OR8D2: variants seen among roughly 807,000 people sequenced by gnomAD.
OR8D2 encodes the protein olfactory receptor family 8 subfamily D member 2, also known as olfactory receptor 8D2.
For missense variants in OR8D2, 350 were observed against 369.8 expected, an observed-to-expected ratio of 0.95 and a Z score of 0.44; for synonymous variants, 156 against 140.3, an observed-to-expected ratio of 1.11 and a Z score of -0.79.
Position 124,319,482 on chromosome 11 carries a change from C to T in OR8D2, c.716G>A (p.Gly239Asp), listed in dbSNP as rs1862499169. ...AGCCAAGAGATGGGAGCTACAAGTG[C>T]CAAAGGCTTTGGATTGCCCCTCAGT... is the stretch of plus-strand genomic sequence containing the variant. ...HSTEGQSKAFGTCSSHLLAVG... is the reference protein window; with the variant it reads ...HSTEGQSKAFDTCSSHLLAVG... Residue 239 changes from glycine to aspartate, a missense_variant, in exon 1 of 1, where the codon GGC (glycine) becomes GAC (aspartate). Gly to Asp is a moderately conservative substitution (Grantham distance 94, BLOSUM62 -1). Coordinates refer to ENST00000624618, the MANE Select transcript of OR8D2 (RefSeq NM_001002918.1). 4 of 1,613,468 alleles carry T rather than the reference C, an allele frequency of 2.5e-6. No homozygotes were observed. The highest frequency in any genetic ancestry group is 3.4e-6 in the Non-Finnish European group (4 of 1,179,736).
chr11:124,319,346 C>T lies in OR8D2; in HGVS notation c.852G>A (p.Met284Ile), dbSNP rs201080079. ...TCAGGCTATAGATTAGAGGATTCAG[C>T]ATGGGGATTATTGTGATGTAGAACA... ...SSVFYITIIP[M>I]LNPLIYSLRN... The change falls in exon 1 of 1, where the codon ATG becomes ATA. Residue 284 changes from methionine to isoleucine, a missense_variant. By Grantham distance (10) the Met-to-Ile change is conservative (BLOSUM62 1). Transcript: ENST00000624618. The T allele has an allele frequency of 1.3e-5, 20 of 1,596,758 alleles. No individual in the cohort carries two copies. Among genetic ancestry groups the T allele is most frequent in the Non-Finnish European group, 1.6e-5 (19 of 1,173,956 alleles).
Position 124,319,715 on chromosome 11 carries a change from G to A in OR8D2, c.483C>T (p.Thr161=), listed in dbSNP as rs542225246. The A allele has an allele frequency of 3.1e-6, 5 of 1,613,552 alleles. No homozygotes were observed. The South Asian group carries it at 5.5e-5, about 18-fold the overall frequency. The part of the protein sequence containing the change: ...LGFLWATVHT[T]RMSVLSFCRS... ...TACAGAATGACAACACTGACATGCG[G>A]GTAGTATGGACTGTGGCCCACAGAA... The change falls in exon 1 of 1, where the codon ACC becomes ACT. Residue 161 remains threonine (T), a synonymous_variant. Transcript: ENST00000624618.
rs763157502 is a variant in OR8D2 at position 124,319,282 on chromosome 11, T to C, written c.916A>G (p.Arg306Gly). ...CTTTGTCAGGATGACTGCCTTCCCC[T>C]AGTCATCTTCTTCAGTGCATTTTTC... ...DVKNALKKMT[R>G]GRQSS The change falls in exon 1 of 1, where the codon AGG (arginine) becomes GGG (glycine). Residue 306 changes from arginine to glycine, a missense_variant. By Grantham distance (125) the Arg-to-Gly change is moderately radical. Transcript: ENST00000624618. The C allele has an allele frequency of 6.6e-7, 1 of 1,506,786 alleles. No individual in the cohort carries two copies. The highest frequency in any genetic ancestry group is 2.3e-5 in the Admixed American group (1 of 44,178). 93.3% of individuals were successfully genotyped at this position (1,506,786 alleles called of 1,614,324 possible).
chr11:124,319,736 C>T lies in OR8D2; in HGVS notation c.462G>A (p.Leu154=). ...MMAVVYSLGF[L]WATVHTTRMS... Reference sequence around the variant, plus strand: ...TGCGGGTAGTATGGACTGTGGCCCACAGAAAACCCAGTGAGTATACCACAG... The same window carrying T: ...TGCGGGTAGTATGGACTGTGGCCCATAGAAAACCCAGTGAGTATACCACAG... Residue 154 remains leucine (L), a synonymous_variant, in exon 1 of 1, where the codon CTG becomes CTA. Transcript: ENST00000624618. The T allele has an allele frequency of 1.2e-6, 2 of 1,613,464 alleles. No individual in the cohort carries two copies. The highest frequency in any genetic ancestry group is 1.7e-5 in the Admixed American group (1 of 59,920).
chr11:124,319,431 G>A lies in OR8D2; in HGVS notation c.767C>T (p.Thr256Ile), dbSNP rs756684360. Residue 256 changes from threonine (T) to isoleucine (I), a missense_variant, in exon 1 of 1, where the codon ACA becomes ATA. Thr to Ile is a moderately conservative substitution (Grantham distance 89, BLOSUM62 -1). Transcript: ENST00000624618. The part of the protein sequence containing the change: ...LAVGIFFGSI[T>I]FMYFKPPSST... ...GGAAGGGGGCTTGAAATACATGAAT[G>A]TTATAGACCCAAAAAAGATGCCCAC... 1.9e-6 allele frequency: 3 copies of A among 1,609,500 alleles called. No individual in the cohort carries two copies. Among genetic ancestry groups the A allele is most frequent in the Admixed American group, 1.7e-5 (1 of 59,130 alleles).
chr11:124,319,753 A>T lies in OR8D2; in HGVS notation c.445T>A (p.Tyr149Asn), dbSNP rs777735632. ...GTGGCCCACAGAAAACCCAGTGAGT[A>T]TACCACAGCCATCATTATGGAACAG... ...RVCSIMMAVV[Y>N]SLGFLWATVH... Residue 149 changes from tyrosine (Y) to asparagine (N), a missense_variant, in exon 1 of 1, where the codon TAC becomes AAC. By Grantham distance (143) the Tyr-to-Asn change is moderately radical. Coordinates refer to ENST00000624618, the MANE Select transcript of OR8D2 (RefSeq NM_001002918.1). 1 of 1,613,618 alleles carries T rather than the reference A, an allele frequency of 6.2e-7. No individual in the cohort carries two copies. Among genetic ancestry groups the T allele is most frequent in the African/African-American group, 1.3e-5 (1 of 75,024 alleles).
Position 124,319,572 on chromosome 11 carries a change from G to A in OR8D2, c.626C>T (p.Ala209Val), listed in dbSNP as rs754687632. The change falls in exon 1 of 1, where the codon GCA becomes GTA. Residue 209 changes from alanine to valine, a missense_variant. Transcript: ENST00000624618. ...LFIIGGVNTL[A>V]TTLAVLISYA... ...AGAGATAAGGACCGCCAGTGTAGTT[G>A]CTAAGGTATTAACTCCTCCAATAAT... The A allele has an allele frequency of 1.2e-6, 2 of 1,613,814 alleles. No homozygotes were observed. Among genetic ancestry groups the A allele is most frequent in the South Asian group, 1.1e-5 (1 of 91,070 alleles).
At position 124,319,509 on chromosome 11, in the gene OR8D2, G is replaced by A. The variant is rs376100258; in HGVS notation, c.689C>T (p.Ser230Phe). 1 of 1,613,828 alleles carries A rather than the reference G, an allele frequency of 6.2e-7. No individual in the cohort carries two copies. Among genetic ancestry groups the A allele is most frequent in the African/African-American group, 1.3e-5 (1 of 75,030 alleles). ...AAAGGCTTTGGATTGCCCCTCAGTG[G>A]AATGAATACCAAGGATACTAGAGAA... ...FIFSSILGIH[S>F]TEGQSKAFGT... The change falls in exon 1 of 1, where the codon TCC becomes TTC. Residue 230 changes from serine to phenylalanine, a missense_variant. Transcript: ENST00000624618.
chr11:124,319,720 T>G lies in OR8D2; in HGVS notation c.478A>C (p.Thr160Pro). The G allele has an allele frequency of 6.2e-7, 1 of 1,613,566 alleles. No homozygotes were observed. The highest frequency in any genetic ancestry group is 8.5e-7 in the Non-Finnish European group (1 of 1,179,854). Residue 160 changes from threonine to proline, a missense_variant, in exon 1 of 1, where the codon ACT becomes CCT. Transcript: ENST00000624618. ...AATGACAACACTGACATGCGGGTAG[T>G]ATGGACTGTGGCCCACAGAAAACCC... ...SLGFLWATVH[T>P]TRMSVLSFCR...
At position 124,319,828 on chromosome 11, in the gene OR8D2, C is replaced by A; in HGVS notation, c.370G>T (p.Val124Phe). The change falls in exon 1 of 1, where the codon GTT (valine) becomes TTT (phenylalanine). Residue 124 changes from valine (V) to phenylalanine (F), a missense_variant. Coordinates refer to ENST00000624618, the MANE Select transcript of OR8D2 (RefSeq NM_001002918.1). The part of the protein sequence containing the change: ...LLTAMEYDRY[V>F]AICRPLLYNI... ...TAAAGCAGTGGGCGACAGATAGCAA[C>A]ATAACGGTCATATTCCATGGCTGTC... 6 of 1,613,666 alleles carry A rather than the reference C, an allele frequency of 3.7e-6. No homozygotes were observed. The South Asian group carries it at 6.6e-5, about 18-fold the overall frequency.
chr11:124,319,398 G>C lies in OR8D2; in HGVS notation c.800C>G (p.Thr267Ser), dbSNP rs767892209. The C allele has an allele frequency of 2.5e-6, 4 of 1,607,916 alleles. No homozygotes were observed. In the South Asian group the frequency reaches 4.4e-5, roughly 18 times the overall value. The change falls in exon 1 of 1, where the codon ACT (threonine) becomes AGT (serine). Residue 267 changes from threonine to serine, a missense_variant. By Grantham distance (58) the Thr-to-Ser change is moderately conservative (BLOSUM62 1). Coordinates refer to ENST00000624618, the MANE Select transcript of OR8D2 (RefSeq NM_001002918.1). ...AGAAGACACCTTCTCTTTTTCCATA[G>C]TAGTGCTGGAAGGGGGCTTGAAATA... ...FMYFKPPSST[T>S]MEKEKVSSVF...
rs757054701 is a variant in OR8D2 at position 124,319,883 on chromosome 11, A to G, written c.315T>C (p.Leu105=). 1 of 1,613,576 alleles carries G rather than the reference A, an allele frequency of 6.2e-7. No homozygotes were observed. The highest frequency in any genetic ancestry group is 1.1e-5 in the South Asian group (1 of 91,074). ...LECITQLYFF[L]IFVIAEGYLL... is the part of the protein sequence containing the mutation. ...GGTAGCCTTCTGCAATTACAAAAAT[A>G]AGGAAGAAATAAAGTTGAGTAATGC... is the stretch of plus-strand genomic sequence containing the variant. The change falls in exon 1 of 1, where the codon CTT becomes CTC. Residue 105 remains leucine, a synonymous_variant. Coordinates refer to ENST00000624618, the MANE Select transcript of OR8D2 (RefSeq NM_001002918.1).
In OR8D2 at chr11:124,319,275, C is replaced by G; in HGVS notation, c.923G>C (p.Arg308Thr). 2.7e-6 allele frequency: 4 copies of G among 1,496,228 alleles called. No individual in the cohort carries two copies. The highest frequency in any genetic ancestry group is 3.6e-6 in the Non-Finnish European group (4 of 1,122,680). The allele number at this position is 1,496,228 out of a possible 1,614,324, so 92.7% of individuals were successfully genotyped here. Residue 308 changes from arginine (R) to threonine (T), a missense_variant, in exon 1 of 1, where the codon AGG becomes ACG. Coordinates refer to ENST00000624618, the MANE Select transcript of OR8D2 (RefSeq NM_001002918.1). ...KNALKKMTRGRQSS is the reference protein window; with the variant it reads ...KNALKKMTRGTQSS ...GAACCCTCTTTGTCAGGATGACTGCCTTCCCCTAGTCATCTTCTTCAGTGC... is the reference window on the plus strand; with the variant it reads ...GAACCCTCTTTGTCAGGATGACTGCGTTCCCCTAGTCATCTTCTTCAGTGC...
Position 124,319,380 on chromosome 11 carries a change from ACCTTCTCTTTTT to A in OR8D2, c.806_817del (p.Glu269_Lys272del), listed in dbSNP as rs773832849. 27 of 1,608,412 alleles carry A rather than the reference ACCTTCTCTTTTT, an allele frequency of 1.7e-5. No homozygotes were observed. The highest frequency in any genetic ancestry group is 2.2e-5 in the Non-Finnish European group (26 of 1,178,184). On this transcript the variant is annotated inframe_deletion, in exon 1 of 1. Transcript: ENST00000624618. ...TATTGTGATGTAGAACACAGAAGAC[ACCTTCTCTTTTT>A]CCATAGTAGTGCTGGAAGGGGGCTT...
At position 124,319,551 on chromosome 11, in the gene OR8D2, A is replaced by T; in HGVS notation, c.647T>A (p.Ile216Asn). 1 of 1,613,894 alleles carries T rather than the reference A, an allele frequency of 6.2e-7. No homozygotes were observed. Among genetic ancestry groups the T allele is most frequent in the Non-Finnish European group, 8.5e-7 (1 of 1,179,910 alleles). ...ACTAGAGAAAATGAAAGCATAAGAG[A>T]TAAGGACCGCCAGTGTAGTTGCTAA... ...NTLATTLAVL[I>N]SYAFIFSSIL... Residue 216 changes from isoleucine to asparagine, a missense_variant, in exon 1 of 1, where the codon ATC becomes AAC. Coordinates refer to ENST00000624618, the MANE Select transcript of OR8D2 (RefSeq NM_001002918.1).
rs1438591013 is a variant in OR8D2, at chr11:124,319,442, A to C, written c.756T>G (p.Phe252Leu). 3 of 1,608,530 alleles carry C rather than the reference A, an allele frequency of 1.9e-6. No homozygotes were observed. The African/African-American group carries it at 4.0e-5, about 22-fold the overall frequency. The change falls in exon 1 of 1, where the codon TTT becomes TTG. Residue 252 changes from phenylalanine (F) to leucine (L), a missense_variant. Phe to Leu is a conservative substitution (Grantham distance 22, BLOSUM62 0). Transcript: ENST00000624618. The part of the protein sequence containing the change: ...SSHLLAVGIF[F>L]GSITFMYFKP... ...TGAAATACATGAATGTTATAGACCC[A>C]AAAAAGATGCCCACAGCCAAGAGAT...
chr11:124,319,786 G>A lies in OR8D2; in HGVS notation c.412C>T (p.His138Tyr). The A allele has an allele frequency of 6.2e-7, 1 of 1,613,558 alleles. No homozygotes were observed. The highest frequency in any genetic ancestry group is 8.5e-7 in the Non-Finnish European group (1 of 1,179,866). The change falls in exon 1 of 1, where the codon CAC (histidine) becomes TAC (tyrosine). Residue 138 changes from histidine (H) to tyrosine (Y), a missense_variant. Coordinates refer to ENST00000624618, the MANE Select transcript of OR8D2 (RefSeq NM_001002918.1). ...RPLLYNIVMS[H>Y]RVCSIMMAVV... is the part of the protein sequence containing the mutation. ...GCCATCATTATGGAACAGACCCTGT[G>A]GGACATGACAATATTGTAAAGCAGT...
rs1467455670 is a variant in OR8D2 at position 124,319,472 on chromosome 11, G to T, written c.726C>A (p.Ser242Arg). ...AGATGCCCACAGCCAAGAGATGGGA[G>T]CTACAAGTGCCAAAGGCTTTGGATT... is the stretch of plus-strand genomic sequence containing the variant. ...EGQSKAFGTC[S>R]SHLLAVGIFF... The change falls in exon 1 of 1, where the codon AGC becomes AGA. Residue 242 changes from serine (S) to arginine (R), a missense_variant. Ser to Arg is a moderately radical substitution (Grantham distance 110, BLOSUM62 -1). Transcript: ENST00000624618. The T allele has an allele frequency of 6.2e-7, 1 of 1,613,250 alleles. No individual in the cohort carries two copies. Among genetic ancestry groups the T allele is most frequent in the Non-Finnish European group, 8.5e-7 (1 of 1,179,590 alleles).
chr11:124,319,283 A>T lies in OR8D2; in HGVS notation c.915T>A (p.Thr305=). 1 of 1,423,402 alleles carries T rather than the reference A, an allele frequency of 7.0e-7. No homozygotes were observed. Among genetic ancestry groups the T allele is most frequent in the Non-Finnish European group, 9.5e-7 (1 of 1,052,360 alleles). 88.2% of individuals were successfully genotyped at this position (1,423,402 alleles called of 1,614,324 possible). A position where few individuals can be genotyped will look rare whatever the true frequency, so the allele number is the denominator to read the frequency against. Residue 305 remains threonine (T), a synonymous_variant, in exon 1 of 1, where the codon ACT becomes ACA. Transcript: ENST00000624618. The part of the protein sequence containing the change: ...KDVKNALKKM[T]RGRQSS ...TTTGTCAGGATGACTGCCTTCCCCTAGTCATCTTCTTCAGTGCATTTTTCA... is the reference window on the plus strand; with the variant it reads ...TTTGTCAGGATGACTGCCTTCCCCTTGTCATCTTCTTCAGTGCATTTTTCA...
Sources: gnomAD v4.1 joint callset for allele counts on GRCh38, gnomAD v4.1.1 for gene constraint, MANE v1.5 for transcripts, NCBI Gene and HGNC (gene_info 2026-07-23, HGNC 2026-07-21) for gene names.